CANX: variants seen among roughly 807,000 people sequenced by gnomAD.
CANX encodes calnexin.
In CANX, 14 loss-of-function variants were observed where a neutral mutation model predicts 75.7. The observed-to-expected ratio is 0.19, with a 90% CI of 0.12 to 0.29. The LOEUF is 0.29. Ranked by LOEUF, CANX falls within the 10% of genes least tolerant of loss-of-function variation. The pLI is 1.00. For missense variants in CANX, 567 were observed against 713.2 expected (o/e 0.79, Z 2.34); for synonymous variants, 227 against 236.9 (o/e 0.96, Z 0.38).
intron 1 of CANX, chr5:179,680,804 T>C: frequency 7.7e-7 from 1 of 1,303,714 alleles, no homozygotes; most frequent in Non-Finnish European, 1.1e-6. Flanking sequence ...TTCCCTCTGT[T>C]ATGCCTTCGT....
At chr5:179,709,469 T>A (rs1040895461) in intron 6 of CANX, among the ~76,000 whole-genome samples, 14 of 152,136 alleles carry the variant, frequency 9.2e-5, no homozygotes, top group Non-Finnish European at 5.9e-5. Context: ...CTTCCTCCCC[T>A]GCTGTTTAAC....
chr5:179,698,301 A>C, upstream of CANX: 4 of 574,874 alleles, frequency 7.0e-6, no homozygotes, highest in Non-Finnish European at 9.2e-6. Context: ...AGTTCAAATA[A>C]CCTCGGATTA....
At position 179,723,768 on chromosome 5, in the gene CANX, T is replaced by C. The variant is rs1181681807; in HGVS notation, c.1507T>C (p.Cys503Arg). The C allele has an allele frequency of 1.2e-6, 2 of 1,604,930 alleles. No individual in the cohort carries two copies. Among genetic ancestry groups the C allele is most frequent in the Non-Finnish European group, 1.7e-6 (2 of 1,177,324 alleles). The change falls in exon 12 of 15, where the codon TGT becomes CGT. Residue 503 changes from cysteine to arginine, a missense_variant. By Grantham distance (180) the Cys-to-Arg change is radical. Coordinates refer to ENST00000247461, the MANE Select transcript of CANX (RefSeq NM_001746.4). ...TGTGTTCCTGGTTATCCTCTTCTGCTGTTCTGGAAAGGTAGGAAGTTTTTT... is the reference window on the plus strand; with the variant it reads ...TGTGTTCCTGGTTATCCTCTTCTGCCGTTCTGGAAAGGTAGGAAGTTTTTT... ...LPVFLVILFC[C>R]SGKKQTSGME...
chr5:179,723,070 A>G (rs752837453), intron 11 of CANX, 51 bp downstream of exon 11: 1 of 1,499,930 alleles, frequency 6.7e-7, no homozygotes, highest in Non-Finnish European at 9.2e-7. Context: ...AGGAGCTGTT[A>G]TTTTGTGAAA....
upstream of CANX, chr5:179,694,894 A>C: frequency 3.0e-6 from 1 of 327,872 alleles, no homozygotes; most frequent in East Asian, 6.3e-5. Flanking sequence ...GGTGGCTTTG[A>C]GGGAAGGATG....
At chr5:179,704,527 G>GAA (rs548978305) in intron 1 of CANX, 31,971 of 133,980 alleles carry the variant, frequency 0.24, 3,960 homozygotes, top group Non-Finnish European at 0.3. Context: ...CTCATCTCAG[G>GAA]AAAAAAAAAA....
Position 179,681,038 on chromosome 5 carries a change from C to G in CANX, c.-4+2261C>G, listed in dbSNP as rs76218121. ...GCTGAGCTGCTGTCCCAGGGCTAGTCCCATCTCTGACCCACTCAGCTCTTG... is the reference window on the plus strand; with the variant it reads ...GCTGAGCTGCTGTCCCAGGGCTAGTGCCATCTCTGACCCACTCAGCTCTTG... On this transcript the variant is annotated intron_variant, in intron 1 of 14. Coordinates refer to the CANX transcript ENST00000681674. The G allele has an allele frequency of 0.011, 9,233 of 863,582 alleles. 600 individuals carry two copies. In the African/African-American group the frequency reaches 0.14, roughly 13 times the overall value. 53.5% of individuals were successfully genotyped at this position (863,582 alleles called of 1,614,324 possible). A position where few individuals can be genotyped will look rare whatever the true frequency, so the allele number is the denominator to read the frequency against.
intron 1 of CANX, chr5:179,679,384 T>G: frequency 1.2e-6 from 1 of 869,140 alleles, no homozygotes; most frequent in Non-Finnish European, 1.7e-6. Flanking sequence ...CACCAGCTGC[T>G]GGCCACCGAG....
At chr5:179,684,449 CCTT>C (rs1776146700) in intron 1 of CANX, among the ~76,000 whole-genome samples, 1 of 149,578 alleles carries the variant, frequency 6.7e-6, no homozygotes, top group Non-Finnish European at 1.5e-5. Context: ...ACACCATTCT[CCTT>C]CCTTAGCCTC....
chr5:179,680,776 GAA>G (rs1266131376), intron 1 of CANX: 3 of 927,364 alleles, frequency 3.2e-6, no homozygotes, highest in Non-Finnish European at 3.3e-6. Context: ...AGTGAGAAGA[GAA>G]AGAACTAGAG....
chr5:179,726,301 G>A (rs949035543), intron 13 of CANX, among the ~76,000 whole-genome samples: 6 of 150,124 alleles, frequency 4.0e-5, no homozygotes, highest in African/African-American at 1.5e-4. Flanking sequence ...AATAGTGGCC[G>A]GGCGCGATGG....
chr5:179,727,383 G>T (rs920286009), intron 14 of CANX, among the ~76,000 whole-genome samples: 2 of 152,228 alleles, frequency 1.3e-5, no homozygotes, highest in African/African-American at 4.8e-5. Context: ...GGGTCACCAT[G>T]TTAAAACCTT....
At chr5:179,708,715 T>A (rs1777324235) in intron 5 of CANX, among the ~76,000 whole-genome samples, 1 of 152,226 alleles carries the variant, frequency 6.6e-6, no homozygotes, top group South Asian at 2.1e-4. Context: ...AAGAAACTGG[T>A]TACTCATTTT....
intron 1 of CANX, among the ~76,000 whole-genome samples, chr5:179,687,437 G>A (rs1185751231): frequency 2.0e-5 from 3 of 152,144 alleles, no homozygotes; most frequent in South Asian, 2.1e-4. Context: ...TCTGTTTATC[G>A]TTGCACCAAT....
upstream of CANX, chr5:179,694,762 T>G: frequency 1.7e-6 from 1 of 595,860 alleles, no homozygotes. Context: ...AGGAGGAGGA[T>G]GAATAAACAA....
Position 179,699,009 on chromosome 5 carries a change from G to T in CANX, c.-97G>T, listed in dbSNP as rs537670398. 4.0e-5 allele frequency: 45 copies of T among 1,122,928 alleles called. No homozygotes were observed. In the East Asian group the frequency reaches 4.0e-3, roughly 101 times the overall value. The allele number at this position is 1,122,928 out of a possible 1,614,324, so 69.6% of individuals were successfully genotyped here. ...CTTGGTTCTGCGGCACGTGACGGTC[G>T]GGCCGCCTCCGCCTCTCTCTTTACT... On this transcript the variant is annotated 5_prime_UTR_variant, in exon 1 of 15. Coordinates refer to ENST00000247461, the MANE Select transcript of CANX (RefSeq NM_001746.4).
At chr5:179,704,541 A>AAT (rs1175299607) in intron 1 of CANX, 2 of 151,080 alleles carry the variant, frequency 1.3e-5, no homozygotes, top group Non-Finnish European at 2.9e-5. Flanking sequence ...AAAAAAAAAA[A>AAT]GGAGCTTGTT....
chr5:179,695,746 G>A (rs550816016), upstream of CANX, among the ~76,000 whole-genome samples: 64 of 151,644 alleles, frequency 4.2e-4, no homozygotes, highest in Non-Finnish European at 8.4e-4. Context: ...CGCCTTCCGG[G>A]TTCACACCAT....
intron 1 of CANX, among the ~76,000 whole-genome samples, chr5:179,701,185 C>T (rs1025502453): frequency 2.4e-4 from 37 of 152,148 alleles, no homozygotes; most frequent in African/African-American, 8.9e-4. Context: ...AGCTTTTGTC[C>T]CACTTTGGTT....
Sources: allele counts gnomAD v4.1 joint callset (sites outside exome capture counted in the v4.1 genomes callset), GRCh38; gene constraint gnomAD v4.1.1; transcripts MANE v1.5; gene names NCBI Gene and HGNC (gene_info 2026-07-23, HGNC 2026-07-21).